The following TYW1 variants were observed in gnomAD, a reference collection of about 807,000 sequenced individuals.
The protein encoded by TYW1 is tRNA-yW synthesizing protein 1 homolog.
Under a neutral mutation model 96.2 loss-of-function variants are expected in TYW1, and 46 were observed. The ratio of observed to expected loss-of-function variants is 0.48; its 90% CI spans 0.38 to 0.61. The LOEUF (loss-of-function observed/expected upper bound fraction) is 0.61, where lower values mean the gene tolerates loss of function less well. TYW1 is among the 20% of genes least tolerant of loss of function. The probability of loss-of-function intolerance (pLI) is 0.00; values close to 1 mark genes in which losing one functional copy is unlikely to be tolerated. For missense variants in TYW1, 684 were observed against 909.6 expected (o/e 0.75, Z 3.19); for synonymous variants, 274 against 323.0 (o/e 0.85, Z 1.63).
chr7:67,062,577 A>AAAAAAAAAAAAAAAAAG (rs773963932), intron 9 of TYW1, among the ~76,000 whole-genome samples: 101 of 147,172 alleles, frequency 6.9e-4, no homozygotes, highest in Non-Finnish European at 9.3e-4. Flanking sequence ...AAAAAAAAAA[A>AAAAAAAAAAAAAAAAAG]AAAAGAAAAG....
intron 7 of TYW1, among the ~76,000 whole-genome samples, chr7:67,039,539 G>A (rs1192875487): frequency 6.6e-6 from 1 of 152,062 alleles, no homozygotes; most frequent in Non-Finnish European, 1.5e-5. Flanking sequence ...GTGATCTAAA[G>A]GTACAGTTTA....
intron 10 of TYW1, among the ~76,000 whole-genome samples, chr7:67,080,277 G>C (rs145084064): frequency 4.3e-4 from 65 of 152,212 alleles, no homozygotes; most frequent in African/African-American, 1.5e-3. Flanking sequence ...AATATTTACA[G>C]TTGTTAGATC....
At chr7:67,107,574 A>C (rs1217432630) in intron 12 of TYW1, among the ~76,000 whole-genome samples, 3 of 152,178 alleles carry the variant, frequency 2.0e-5, no homozygotes, top group Non-Finnish European at 4.4e-5. Flanking sequence ...CCTCATTTGT[A>C]AAATGATAAT....
At chr7:67,127,275 C>T (rs1797938878) in intron 13 of TYW1, among the ~76,000 whole-genome samples, 1 of 151,784 alleles carries the variant, frequency 6.6e-6, no homozygotes, top group South Asian at 2.1e-4. Flanking sequence ...TTGCCTACCT[C>T]AGCCTCCCAA....
chr7:67,164,180 C>A (rs1387677941), intron 13 of TYW1, among the ~76,000 whole-genome samples: 1 of 151,528 alleles, frequency 6.6e-6, no homozygotes, highest in African/African-American at 2.4e-5. Context: ...TGCCATGCTG[C>A]GTTTATAAGT....
At chr7:67,021,793 C>T (rs911456076) in intron 6 of TYW1, among the ~76,000 whole-genome samples, 7 of 152,190 alleles carry the variant, frequency 4.6e-5, no homozygotes, top group African/African-American at 1.7e-4. Context: ...GAAATAGGTT[C>T]CTTTTGGAAA....
At chr7:67,046,952 G>A (rs187665175) in intron 7 of TYW1, among the ~76,000 whole-genome samples, 43 of 152,298 alleles carry the variant, frequency 2.8e-4, no homozygotes, top group Non-Finnish European at 5.7e-4. Flanking sequence ...AGAAGTCTCT[G>A]TTTAAAACCC....
At chr7:67,075,517 A>C (rs1461657550) in intron 10 of TYW1, among the ~76,000 whole-genome samples, 28 of 152,270 alleles carry the variant, frequency 1.8e-4, no homozygotes, top group Admixed American at 1.8e-3. Context: ...TGGTGTATCC[A>C]TTCCAAGGAA....
chr7:67,123,795 C>A (rs528685763), intron 13 of TYW1, among the ~76,000 whole-genome samples: 2 of 152,256 alleles, frequency 1.3e-5, no homozygotes, highest in East Asian at 3.9e-4. Flanking sequence ...CTCAAGGAAA[C>A]AGTGAGTTTC....
At chr7:67,165,402 CTA>C (rs10533244) in intron 13 of TYW1, among the ~76,000 whole-genome samples, 2,962 of 151,240 alleles carry the variant, frequency 0.02, 39 homozygotes, top group Admixed American at 0.043. Context: ...TAACTCATGA[CTA>C]TATATTTTTA....
Position 66,998,906 on chromosome 7 carries a change from T to C in TYW1, c.225T>C (p.Phe75=). 1.2e-6 allele frequency: 2 copies of C among 1,614,154 alleles called. No individual in the cohort carries two copies. Among genetic ancestry groups the C allele is most frequent in the Non-Finnish European group, 1.7e-6 (2 of 1,180,012 alleles). ...GYVSLQEKDI[F]VSGVKIFYGS... is the part of the protein sequence containing the mutation. ...TCTCCCTTCAAGAGAAAGACATCTT[T>C]GTGTCTGGAGTGAAGATTTTTTATG... is the stretch of plus-strand genomic sequence containing the variant. Residue 75 remains phenylalanine, a synonymous_variant, in exon 3 of 16, where the codon TTT becomes TTC. Transcript: ENST00000359626.
chr7:67,012,068 G>A (rs1321908235), intron 4 of TYW1, among the ~76,000 whole-genome samples: 2 of 152,048 alleles, frequency 1.3e-5, no homozygotes, highest in East Asian at 3.9e-4. Flanking sequence ...AAAAAATAGA[G>A]GCCAGGCGTG....
intron 12 of TYW1, among the ~76,000 whole-genome samples, chr7:67,100,482 AG>A (rs1797052183): frequency 6.6e-6 from 1 of 150,610 alleles, no homozygotes; most frequent in South Asian, 2.1e-4. Flanking sequence ...TTGGGGAAAT[AG>A]GAAAAAAAAA....
intron 4 of TYW1, among the ~76,000 whole-genome samples, chr7:67,010,563 C>T (rs1301905149): frequency 2.6e-5 from 4 of 151,636 alleles, no homozygotes; most frequent in Admixed American, 1.3e-4. Context: ...GCAAGCTCCG[C>T]CTCCCGGGTT....
intron 15 of TYW1, 39 bp downstream of exon 15, chr7:67,195,376 C>T: frequency 1.9e-6 from 3 of 1,606,880 alleles, no homozygotes; most frequent in Non-Finnish European, 2.6e-6. Flanking sequence ...TGTTCCCCGA[C>T]CCTGCTGTTC....
At chr7:67,126,887 A>G (rs1012345106) in intron 13 of TYW1, among the ~76,000 whole-genome samples, 2 of 152,134 alleles carry the variant, frequency 1.3e-5, no homozygotes, top group African/African-American at 4.8e-5. Flanking sequence ...AGTTGGATTA[A>G]CATCTACTGT....
intron 12 of TYW1, among the ~76,000 whole-genome samples, chr7:67,110,418 A>C (rs1178090869): frequency 6.6e-5 from 10 of 152,160 alleles, no homozygotes; most frequent in Admixed American, 6.5e-5. Flanking sequence ...TCCCCTAACA[A>C]AAACACAGAG....
intron 15 of TYW1, among the ~76,000 whole-genome samples, chr7:67,197,871 ACCATTTTTCTG>A (rs955817909): frequency 1.3e-5 from 2 of 151,800 alleles, no homozygotes; most frequent in Non-Finnish European, 2.9e-5. Flanking sequence ...ATCACCTGTT[ACCATTTTTCTG>A]CCATTTGCTT....
At chr7:67,166,363 A>T (rs897925427) in intron 13 of TYW1, among the ~76,000 whole-genome samples, 2 of 114,276 alleles carry the variant, frequency 1.8e-5, no homozygotes, top group African/African-American at 6.8e-5. Flanking sequence ...TATATAATAC[A>T]TATATACATG....
Sources: gnomAD v4.1 joint callset for allele counts (sites outside exome capture counted in the v4.1 genomes callset) on GRCh38, gnomAD v4.1.1 for gene constraint, MANE v1.5 for transcripts, NCBI Gene and HGNC (gene_info 2026-07-23, HGNC 2026-07-21) for gene names.